ATP8A1: variants seen among roughly 807,000 people sequenced by gnomAD.
ATP8A1 encodes the protein phospholipid-transporting ATPase IA.
A neutral mutation model predicts 177.7 loss-of-function variants in ATP8A1; 90 were observed. The observed-to-expected ratio is 0.51, with a 90% CI of 0.43 to 0.60. The LOEUF (loss-of-function observed/expected upper bound fraction) is 0.60. ATP8A1 is among the 20% of genes least tolerant of loss of function. The probability of loss-of-function intolerance (pLI) is 0.00; values close to 1 mark genes in which losing one functional copy is unlikely to be tolerated. For synonymous variants in ATP8A1, 493 were observed against 485.9 expected (o/e 1.01, Z -0.19); for missense variants, 1,072 against 1,392.8 (o/e 0.77, Z 3.67).
rs151058128 is a variant in ATP8A1 at position 42,450,966 on chromosome 4, T to G, written c.2896+1015A>C. On this transcript the variant is annotated intron_variant, in intron 30 of 36. Coordinates refer to ENST00000381668, the MANE Select transcript of ATP8A1 (RefSeq NM_006095.2). ...TGGGGGCAGGTGGTGGCTGCTCTTT[T>G]GGACAGGATGATCGGGGAAGGCTTC... Among the ~76,000 whole-genome samples, 200 of 152,302 alleles carry G rather than the reference T, an allele frequency of 1.3e-3. 1 individual carries two copies. Among genetic ancestry groups the G allele is most frequent in the African/African-American group, 4.6e-3 (193 of 41,568 alleles).
At chr4:42,595,562 G>C (rs1418259623) in intron 6 of ATP8A1, among the ~76,000 whole-genome samples, 2 of 152,162 alleles carry the variant, frequency 1.3e-5, no homozygotes, top group Admixed American at 1.3e-4. Context: ...ATTAAAAACT[G>C]CAAGTATAAA....
At chr4:42,427,125 G>A (rs950898149) in intron 33 of ATP8A1, among the ~76,000 whole-genome samples, 30 of 151,988 alleles carry the variant, frequency 2.0e-4, no homozygotes, top group Non-Finnish European at 2.2e-4. Flanking sequence ...TTATATAAAA[G>A]GCTTCCAAAG....
intron 33 of ATP8A1, among the ~76,000 whole-genome samples, chr4:42,430,817 C>A (rs1268214821): frequency 6.6e-6 from 1 of 152,190 alleles, no homozygotes; most frequent in African/African-American, 2.4e-5. Context: ...CACCACCCTG[C>A]AGTCTTCAGG....
At chr4:42,487,349 C>T (rs183217673) in intron 24 of ATP8A1, among the ~76,000 whole-genome samples, 186 of 152,246 alleles carry the variant, frequency 1.2e-3, no homozygotes, top group Non-Finnish European at 2.1e-3. Context: ...TTTCTCCCCA[C>T]ATCCTATAGA....
intron 22 of ATP8A1, among the ~76,000 whole-genome samples, chr4:42,517,369 T>C (rs1725666620): frequency 6.6e-6 from 1 of 151,790 alleles, no homozygotes; most frequent in Non-Finnish European, 1.5e-5. Context: ...TCTAAAATTA[T>C]GAGTCCTAAT....
At chr4:42,536,587 CAG>C (rs1423331395) in intron 20 of ATP8A1, among the ~76,000 whole-genome samples, 1 of 152,180 alleles carries the variant, frequency 6.6e-6, no homozygotes, top group Non-Finnish European at 1.5e-5. Context: ...GGAATCCTTT[CAG>C]AGTCATTCTA....
intron 36 of ATP8A1, 67 bp downstream of exon 36, chr4:42,414,560 C>T (rs998573128): frequency 2.2e-5 from 30 of 1,347,834 alleles, no homozygotes; most frequent in Non-Finnish European, 3.1e-5. Context: ...AGTCAGGATA[C>T]TGTATAAATG....
intron 20 of ATP8A1, among the ~76,000 whole-genome samples, chr4:42,532,947 C>T (rs1727426464): frequency 6.6e-6 from 1 of 152,158 alleles, no homozygotes; most frequent in South Asian, 2.1e-4. Flanking sequence ...ACGCCTATCC[C>T]AAACCTATGA....
rs548492886 is a variant in ATP8A1, at chr4:42,590,754, T to G, written c.524+57A>C. On this transcript the variant is annotated intron_variant, in intron 7 of 36. Coordinates refer to ENST00000381668, the MANE Select transcript of ATP8A1 (RefSeq NM_006095.2). ...CAACCATATTTGGGTGCAACTGTTC[T>G]CCGGTTTACGGTGAGGACCCACATA... The G allele has an allele frequency of 8.5e-6, 13 of 1,530,092 alleles. No homozygotes were observed. The Admixed American group carries it at 1.2e-4, about 14-fold the overall frequency. The allele number at this position is 1,530,092 out of a possible 1,614,324, so 94.8% of individuals were successfully genotyped here. A position where few individuals can be genotyped will look rare whatever the true frequency, so the allele number is the denominator to read the frequency against.
chr4:42,497,705 T>C (rs1335683583), intron 24 of ATP8A1, among the ~76,000 whole-genome samples: 2 of 152,376 alleles, frequency 1.3e-5, no homozygotes. Flanking sequence ...TGGAACTTTT[T>C]CAACCACGTA....
At chr4:42,612,142 T>A (rs375265839) in intron 5 of ATP8A1, among the ~76,000 whole-genome samples, 1 of 152,164 alleles carries the variant, frequency 6.6e-6, no homozygotes, top group African/African-American at 2.4e-5. Context: ...TTGGATTTTA[T>A]CAGTGACTGT....
chr4:42,498,101 T>C (rs1723465413), intron 24 of ATP8A1, among the ~76,000 whole-genome samples: 1 of 152,224 alleles, frequency 6.6e-6, no homozygotes, highest in African/African-American at 2.4e-5. Context: ...AAAACTTGCC[T>C]AAACTATTTT....
chr4:42,494,508 A>C (rs1266540297), intron 24 of ATP8A1, among the ~76,000 whole-genome samples: 2 of 152,162 alleles, frequency 1.3e-5, no homozygotes, highest in Non-Finnish European at 2.9e-5. Flanking sequence ...TTTCTTATGA[A>C]ATCTCCCAAT....
intron 6 of ATP8A1, among the ~76,000 whole-genome samples, chr4:42,599,404 A>G (rs1735027030): frequency 6.6e-6 from 1 of 152,196 alleles, no homozygotes. Flanking sequence ...TCTTCTGAAA[A>G]AGAGATTCCT....
intron 6 of ATP8A1, among the ~76,000 whole-genome samples, chr4:42,599,280 T>C (rs1242419235): frequency 6.6e-6 from 1 of 152,200 alleles, no homozygotes; most frequent in Non-Finnish European, 1.5e-5. Context: ...ATTCATCTTA[T>C]CATACTTGAT....
chr4:42,559,836 G>A (rs1475028103), intron 15 of ATP8A1, among the ~76,000 whole-genome samples: 1 of 152,302 alleles, frequency 6.6e-6, no homozygotes, highest in African/African-American at 2.4e-5. Flanking sequence ...CTCCCAAGTA[G>A]CTGGTATTAC....
At chr4:42,652,764 C>A (rs992686619) in intron 1 of ATP8A1, among the ~76,000 whole-genome samples, 1 of 152,184 alleles carries the variant, frequency 6.6e-6, no homozygotes, top group African/African-American at 2.4e-5. Context: ...CCTGCACACG[C>A]TCTTTTGCCT....
intron 30 of ATP8A1, 68 bp from the exon 31 acceptor site, chr4:42,446,712 C>T: frequency 1.4e-6 from 2 of 1,447,176 alleles, no homozygotes; most frequent in Non-Finnish European, 1.9e-6. Context: ...CAAAGATATT[C>T]AGAAAGTTTG....
intron 35 of ATP8A1, among the ~76,000 whole-genome samples, chr4:42,422,462 A>G (rs1046945365): frequency 1.3e-5 from 2 of 152,246 alleles, no homozygotes; most frequent in Admixed American, 1.3e-4. Context: ...TTAATAATAC[A>G]ATAATGTTTG....
Sources: gnomAD v4.1 joint callset for allele counts (sites outside exome capture counted in the v4.1 genomes callset) on GRCh38, gnomAD v4.1.1 for gene constraint, MANE v1.5 for transcripts, NCBI Gene and HGNC (gene_info 2026-07-23, HGNC 2026-07-21) for gene names.